TRPS1: variants seen among roughly 807,000 people sequenced by gnomAD.
TRPS1 encodes the protein zinc finger transcription factor Trps1.
A neutral mutation model predicts 101.2 loss-of-function variants in TRPS1; 6 were observed. The ratio of observed to expected loss-of-function variants is 0.06; its 90% confidence interval spans 0.03 to 0.12. The LOEUF is 0.12. TRPS1 is among the 10% of genes least tolerant of loss of function. The pLI is 1.00. For synonymous variants in TRPS1, 578 were observed against 589.8 expected, an observed-to-expected ratio of 0.98 and a Z score of 0.29; for missense variants, 1,363 against 1,567.0, an observed-to-expected ratio of 0.87 and a Z score of 2.20.
At chr8:115,415,225 CT>C in intron 6 of TRPS1, 141 bp from the exon 7 acceptor site, 1 of 922,572 alleles carries the variant, frequency 1.1e-6, no homozygotes, top group Non-Finnish European at 1.6e-6. Context: ...AAATCTCCTC[CT>C]TTTGCCCTAA....
intron 5 of TRPS1, among the ~76,000 whole-genome samples, chr8:115,550,900 T>G (rs1401192224): frequency 6.6e-6 from 1 of 152,186 alleles, no homozygotes; most frequent in Non-Finnish European, 1.5e-5. Context: ...CACGGACAAT[T>G]TCATGCTAAC....
intron 4 of TRPS1, among the ~76,000 whole-genome samples, chr8:115,595,026 ATTC>A (rs1221205184): frequency 6.6e-6 from 1 of 151,928 alleles, no homozygotes; most frequent in African/African-American, 2.4e-5. Context: ...CACAGTTTTT[ATTC>A]TTCAATGACT....
At chr8:115,487,170 T>C (rs1270413131) in intron 5 of TRPS1, among the ~76,000 whole-genome samples, 1 of 152,080 alleles carries the variant, frequency 6.6e-6, no homozygotes, top group African/African-American at 2.4e-5. Flanking sequence ...TTTTCTGTAA[T>C]GGGACAGCAA....
chr8:115,534,990 T>A (rs1816245162), intron 5 of TRPS1, among the ~76,000 whole-genome samples: 1 of 149,492 alleles, frequency 6.7e-6, no homozygotes, highest in African/African-American at 2.4e-5. Flanking sequence ...ACTTGGCATA[T>A]AAATATATAT....
In TRPS1 at chr8:115,605,721, T is replaced by C. The variant is rs144266718; in HGVS notation, c.967-719A>G. ...CTTATTTGATTAAGGTTCTGTTTCATTGCAAAGGGCTCCCAACTTCTCACA... is the reference window on the plus strand; with the variant it reads ...CTTATTTGATTAAGGTTCTGTTTCACTGCAAAGGGCTCCCAACTTCTCACA... On this transcript the variant is annotated intron_variant, in intron 3 of 6. Coordinates refer to ENST00000395715, the MANE Select transcript of TRPS1 (RefSeq NM_014112.5). 7.4e-3 allele frequency among the ~76,000 whole-genome samples: 1,128 copies of C among 152,296 alleles called. 8 individuals carry two copies. The highest frequency in any genetic ancestry group is 0.024 in the Middle Eastern group (7 of 294).
chr8:115,435,998 TCACACA>T (rs4027183), intron 5 of TRPS1, among the ~76,000 whole-genome samples: 4,079 of 134,030 alleles, frequency 0.03, 85 homozygotes, highest in South Asian at 0.099. Flanking sequence ...AAATGAGAAA[TCACACA>T]CACACACACA....
intron 3 of TRPS1, among the ~76,000 whole-genome samples, chr8:115,616,395 T>C (rs949401160): frequency 6.6e-6 from 1 of 152,224 alleles, no homozygotes; most frequent in Admixed American, 6.5e-5. Context: ...AATTATGTAC[T>C]TCTTTTCCCA....
At chr8:115,523,523 C>T (rs919888879) in intron 5 of TRPS1, among the ~76,000 whole-genome samples, 1 of 152,022 alleles carries the variant, frequency 6.6e-6, no homozygotes, top group Non-Finnish European at 1.5e-5. Context: ...TAGAGCGAGG[C>T]TCTGTCTCAA....
At chr8:115,545,813 CTTCA>C (rs1816557286) in intron 5 of TRPS1, among the ~76,000 whole-genome samples, 1 of 151,998 alleles carries the variant, frequency 6.6e-6, no homozygotes, top group South Asian at 2.1e-4. Context: ...GGACAAATGG[CTTCA>C]TTGTTTTATT....
chr8:115,559,144 T>C (rs573818805), intron 5 of TRPS1, among the ~76,000 whole-genome samples: 73 of 152,264 alleles, frequency 4.8e-4, no homozygotes, highest in Non-Finnish European at 9.9e-4. Context: ...ACAAAATACA[T>C]TATGAAATCC....
intron 3 of TRPS1, among the ~76,000 whole-genome samples, chr8:115,605,277 A>G (rs1390387892): frequency 6.6e-6 from 1 of 152,220 alleles, no homozygotes; most frequent in Non-Finnish European, 1.5e-5. Context: ...AGACTTAATA[A>G]TACATTTTTT....
At chr8:115,512,647 A>G (rs1428250563) in intron 5 of TRPS1, among the ~76,000 whole-genome samples, 1 of 151,590 alleles carries the variant, frequency 6.6e-6, no homozygotes, top group East Asian at 1.9e-4. Flanking sequence ...CTATATATAT[A>G]TATGAATATT....
intron 1 of TRPS1, among the ~76,000 whole-genome samples, chr8:115,652,452 T>C (rs1811582084): frequency 6.6e-6 from 1 of 152,224 alleles, no homozygotes; most frequent in Non-Finnish European, 1.5e-5. Context: ...AACATTCTAA[T>C]TAATAAATCT....
chr8:115,503,714 GTATTAAC>G (rs1815374011), intron 5 of TRPS1, among the ~76,000 whole-genome samples: 1 of 152,144 alleles, frequency 6.6e-6, no homozygotes, highest in South Asian at 2.1e-4. Context: ...ATGTATTCAT[GTATTAAC>G]AAAGATGCAA....
chr8:115,666,980 C>G (rs573236584), intron 1 of TRPS1, among the ~76,000 whole-genome samples: 12 of 152,348 alleles, frequency 7.9e-5, no homozygotes, highest in South Asian at 2.1e-4. Flanking sequence ...TCTCACTTCA[C>G]TTACCTCGCT....
intron 5 of TRPS1, among the ~76,000 whole-genome samples, chr8:115,580,583 C>G (rs1015583561): frequency 6.6e-6 from 1 of 151,936 alleles, no homozygotes; most frequent in African/African-American, 2.4e-5. Flanking sequence ...AAAGAGAAGC[C>G]AAGCAAAAGA....
intron 1 of TRPS1, among the ~76,000 whole-genome samples, chr8:115,633,284 G>A (rs144440716): frequency 6.6e-6 from 1 of 152,190 alleles, no homozygotes; most frequent in African/African-American, 2.4e-5. Context: ...AAAAACAAGA[G>A]AAGAAAGCAA....
Position 115,505,011 on chromosome 8 carries a change from C to T in TRPS1, c.2700+81990G>A, listed in dbSNP as rs532511109. ...ATATTCATATAGAGAACCACATCAT[C>T]TGTCATCCTGGTAAAAATATATCAC... On this transcript the variant is annotated intron_variant, in intron 5 of 6. Coordinates refer to ENST00000395715, the MANE Select transcript of TRPS1 (RefSeq NM_014112.5). 3.3e-5 allele frequency among the ~76,000 whole-genome samples: 5 copies of T among 152,172 alleles called. No individual in the cohort carries two copies. In the South Asian group the frequency reaches 1.0e-3, roughly 32 times the overall value.
intron 5 of TRPS1, among the ~76,000 whole-genome samples, chr8:115,498,415 C>CTATATATATATATA (rs67505193): frequency 7.6e-5 from 3 of 39,314 alleles, no homozygotes; most frequent in Non-Finnish European, 1.3e-4. Flanking sequence ...CTCTCTCTCT[C>CTATATATATATATA]TATATATATA....
Sources: allele counts gnomAD v4.1 joint callset (sites outside exome capture counted in the v4.1 genomes callset), GRCh38; gene constraint gnomAD v4.1.1; transcripts MANE v1.5; gene names NCBI Gene and HGNC (gene_info 2026-07-23, HGNC 2026-07-21).